Variants in OR6N1 observed in about 807,000 individuals in gnomAD.
OR6N1 encodes olfactory receptor 6N1.
For synonymous variants in OR6N1, 170 were observed against 150.7 expected, an observed-to-expected ratio of 1.13 and a Z score of -0.94; for missense variants, 394 against 371.7, an observed-to-expected ratio of 1.06 and a Z score of -0.49.
At chr1:158,829,269 T>G in the OR6N1 span, among the ~76,000 whole-genome samples, 1 of 152,268 alleles carries the variant, frequency 6.6e-6, no homozygotes, top group African/African-American at 2.4e-5. Flanking sequence ...ATTATTAGGC[T>G]GCAAATTTTC....
At chr1:158,783,872 C>T in the OR6N1 span, among the ~76,000 whole-genome samples, 1 of 152,082 alleles carries the variant, frequency 6.6e-6, no homozygotes, top group African/African-American at 2.4e-5. Context: ...TTTGGGATGC[C>T]AAGGCAGGTG....
At chr1:158,839,102 T>A in the OR6N1 span, among the ~76,000 whole-genome samples, 1 of 152,152 alleles carries the variant, frequency 6.6e-6, no homozygotes, top group Admixed American at 6.6e-5. Flanking sequence ...TTGTGGAGAT[T>A]CATTTTTTTC....
At chr1:158,790,385 G>T in the OR6N1 span, among the ~76,000 whole-genome samples, 5 of 148,370 alleles carry the variant, frequency 3.4e-5, no homozygotes, top group Middle Eastern at 3.5e-3. Flanking sequence ...ATATCAATTG[G>T]TATTTTGATA....
At chr1:158,802,544 G>A in the OR6N1 span, among the ~76,000 whole-genome samples, 2 of 152,146 alleles carry the variant, frequency 1.3e-5, no homozygotes, top group South Asian at 2.1e-4. Context: ...CCAGAGGTGA[G>A]TTTCATCTTA....
the OR6N1 span, among the ~76,000 whole-genome samples, chr1:158,795,778 G>A: frequency 2.6e-5 from 4 of 152,184 alleles, no homozygotes; most frequent in South Asian, 6.2e-4. Context: ...TCATGACAGC[G>A]GTCTCCCCAC....
the OR6N1 span, among the ~76,000 whole-genome samples, chr1:158,820,177 C>G: frequency 6.6e-6 from 1 of 152,200 alleles, no homozygotes; most frequent in South Asian, 2.1e-4. Flanking sequence ...TTAAGAACTC[C>G]TTAAGCAGTT....
chr1:158,787,257 A>G, the OR6N1 span, among the ~76,000 whole-genome samples: 1 of 152,016 alleles, frequency 6.6e-6, no homozygotes, highest in Non-Finnish European at 1.5e-5. Context: ...AATCTTCCTG[A>G]AGGCTCACCA....
the OR6N1 span, among the ~76,000 whole-genome samples, chr1:158,820,479 T>G: frequency 2.0e-5 from 3 of 152,226 alleles, no homozygotes; most frequent in South Asian, 4.1e-4. Context: ...TTGGAAGAAT[T>G]AAGTAAGATA....
the OR6N1 span, among the ~76,000 whole-genome samples, chr1:158,806,929 G>A: frequency 6.6e-6 from 1 of 150,502 alleles, no homozygotes; most frequent in Non-Finnish European, 1.5e-5. Flanking sequence ...CTTGAACTCG[G>A]GAGGCAGTGG....
At chr1:158,776,648 G>C, upstream of OR6N1, 1 of 1,285,076 alleles carries the variant, frequency 7.8e-7, no homozygotes, top group Non-Finnish European at 1.1e-6. Context: ...TTTATGAATT[G>C]AACATTGAGG....
At chr1:158,792,333 AT>A in the OR6N1 span, among the ~76,000 whole-genome samples, 2 of 152,078 alleles carry the variant, frequency 1.3e-5, no homozygotes, top group African/African-American at 4.8e-5. Context: ...GTGATTTGTG[AT>A]TTTTTTAATC....
the OR6N1 span, among the ~76,000 whole-genome samples, chr1:158,827,773 C>T: frequency 6.6e-6 from 1 of 152,102 alleles, no homozygotes; most frequent in African/African-American, 2.4e-5. Context: ...CAGAGGGTAT[C>T]GCTACAAAAG....
chr1:158,806,324 G>A, the OR6N1 span, among the ~76,000 whole-genome samples: 1 of 152,202 alleles, frequency 6.6e-6, no homozygotes, highest in Non-Finnish European at 1.5e-5. Context: ...GCCTCATTTG[G>A]AGAGTTACCA....
At chr1:158,792,239 G>T in the OR6N1 span, among the ~76,000 whole-genome samples, 1 of 151,944 alleles carries the variant, frequency 6.6e-6, no homozygotes, top group East Asian at 1.9e-4. Context: ...GTTTCCCTTT[G>T]CAAGAAATAC....
the OR6N1 span, among the ~76,000 whole-genome samples, chr1:158,802,253 G>A: frequency 3.6e-4 from 52 of 145,010 alleles, no homozygotes; most frequent in South Asian, 0.011. Context: ...TGTCACCCAG[G>A]CTGGAGTGCA....
chr1:158,771,735 CA>C (rs1422652550), intron 1 of OR6N1, among the ~76,000 whole-genome samples: 7 of 152,212 alleles, frequency 4.6e-5, no homozygotes, highest in Non-Finnish European at 8.8e-5. Flanking sequence ...ACGAAACAAA[CA>C]AACAAACAAC....
At chr1:158,773,175 ATT>A (rs11292789), upstream of OR6N1, among the ~76,000 whole-genome samples, 110 of 150,928 alleles carry the variant, frequency 7.3e-4, no homozygotes, top group Admixed American at 1.8e-3. Flanking sequence ...TTTCTGGAAG[ATT>A]TTTTTTTTTC....
At chr1:158,822,301 C>A in the OR6N1 span, among the ~76,000 whole-genome samples, 1 of 152,066 alleles carries the variant, frequency 6.6e-6, no homozygotes, top group Non-Finnish European at 1.5e-5. Context: ...GGCAGTATTG[C>A]AATTTTAATG....
the OR6N1 span, among the ~76,000 whole-genome samples, chr1:158,787,635 T>TCTCTCACACA: frequency 2.9e-4 from 39 of 134,316 alleles, no homozygotes; most frequent in African/African-American, 9.1e-4. Flanking sequence ...TCTCTCTCTC[T>TCTCTCACACA]CACACACACA....
Sources: allele counts gnomAD v4.1 joint callset (sites outside exome capture counted in the v4.1 genomes callset), GRCh38; gene constraint gnomAD v4.1.1; transcripts MANE v1.5; gene names NCBI Gene and HGNC (gene_info 2026-07-23, HGNC 2026-07-21).